MGA: variants seen among roughly 807,000 people sequenced by gnomAD.
MGA encodes the protein MAX dimerization protein MGA.
A neutral mutation model predicts 261.1 loss-of-function variants in MGA; 40 were observed. The observed-to-expected ratio is 0.15, with a 90% CI of 0.12 to 0.20. The LOEUF (loss-of-function observed/expected upper bound fraction) is 0.20, where lower values mean the gene tolerates loss of function less well. Among genes scored for constraint, MGA ranks in the 10% least tolerant of loss-of-function variants. MGA has a pLI of 1.00. For missense variants in MGA, 3,397 were observed against 3,630.5 expected (o/e 0.94, Z 1.65); for synonymous variants, 1,302 against 1,290.6 (o/e 1.01, Z -0.19).
chr15:41,700,077 C>T (rs999835522), intron 5 of MGA, among the ~76,000 whole-genome samples: 4 of 129,320 alleles, frequency 3.1e-5, no homozygotes, highest in Non-Finnish European at 3.1e-5. Flanking sequence ...TGCGCAGTCT[C>T]GCTCTCGCCC....
At position 41,748,693 on chromosome 15, in the gene MGA, C is replaced by G. The variant is rs753360563; in HGVS notation, c.5269C>G (p.Arg1757Gly). The stretch of plus-strand genomic sequence containing the variant: ...ACAGGTCTCTCCTAACACAGTGAAA[C>G]GTGCTGGACCTCGATTGTTGTTGAT... Residue 1757 changes from arginine (R) to glycine (G), a missense_variant, in exon 16 of 24, where the codon CGT (arginine) becomes GGT (glycine). Physicochemically the swap from Arg to Gly is moderately radical, Grantham distance 125. This residue lies in a region of MGA where 1,410 missense variants were observed against 1,386.4 expected (regional missense o/e 1.02). Coordinates refer to ENST00000219905, the MANE Select transcript of MGA (RefSeq NM_001164273.2). The G allele has an allele frequency of 6.2e-7, 1 of 1,613,952 alleles. No individual in the cohort carries two copies. The highest frequency in any genetic ancestry group is 8.5e-7 in the Non-Finnish European group (1 of 1,179,894).
chr15:41,754,026 C>G (rs1020547469), intron 17 of MGA, among the ~76,000 whole-genome samples: 6 of 152,132 alleles, frequency 3.9e-5, no homozygotes, highest in Non-Finnish European at 8.8e-5. Flanking sequence ...TCAAGCAATC[C>G]TCCCACCTCA....
rs1387066413 is a variant in MGA, at chr15:41,750,604, G to A, written c.6997G>A (p.Asp2333Asn). 1 of 1,605,432 alleles carries A rather than the reference G, an allele frequency of 6.2e-7. No individual in the cohort carries two copies. Among genetic ancestry groups the A allele is most frequent in the South Asian group, 1.1e-5 (1 of 89,622 alleles). ...TGACTACCAGAGTGAGGAGGTTGATGATGTAGAAAAGGTGGTGAGCCCATT... is the reference window on the plus strand; with the variant it reads ...TGACTACCAGAGTGAGGAGGTTGATAATGTAGAAAAGGTGGTGAGCCCATT... Residue 2333 changes from aspartate (D) to asparagine (N), a missense_variant, in exon 17 of 24, where the codon GAT (aspartate) becomes AAT (asparagine). Physicochemically the swap from Asp to Asn is conservative, Grantham distance 23. This residue lies in a region of MGA where 1,410 missense variants were observed against 1,386.4 expected (regional missense o/e 1.02). Transcript: ENST00000219905.
chr15:41,767,327 C>G lies in MGA; in HGVS notation c.*47C>G, dbSNP rs761231044. 29 of 1,530,380 alleles carry G rather than the reference C, an allele frequency of 1.9e-5. No homozygotes were observed. The highest frequency in any genetic ancestry group is 2.4e-5 in the Non-Finnish European group (27 of 1,132,666). The allele number at this position is 1,530,380 out of a possible 1,614,324, so 94.8% of individuals were successfully genotyped here. A position where few individuals can be genotyped will look rare whatever the true frequency, so the allele number is the denominator to read the frequency against. On this transcript the variant is annotated 3_prime_UTR_variant, in exon 24 of 24. Transcript: ENST00000219905. Reference sequence around the variant, plus strand: ...AGCCAGGCTGTGAGGGGAAATAGATCTCACCTCCTTTCTCTGCAGGCATCT... The same window carrying G: ...AGCCAGGCTGTGAGGGGAAATAGATGTCACCTCCTTTCTCTGCAGGCATCT...
At chr15:41,699,010 C>G (rs1162333179) in intron 4 of MGA, 54 bp from the exon 5 acceptor site, 2 of 1,555,270 alleles carry the variant, frequency 1.3e-6, no homozygotes, top group Non-Finnish European at 1.8e-6. Flanking sequence ...ATGCAACATT[C>G]ATTTGTCTGT....
At chr15:41,622,788 G>T (rs772561629) in intron 1 of MGA, among the ~76,000 whole-genome samples, 1 of 152,132 alleles carries the variant, frequency 6.6e-6, no homozygotes, top group African/African-American at 2.4e-5. Context: ...TCTCCTCCCA[G>T]TTCTAGCTCG....
intron 1 of MGA, among the ~76,000 whole-genome samples, chr15:41,654,351 G>T (rs2057124449): frequency 6.6e-6 from 1 of 151,956 alleles, no homozygotes; most frequent in South Asian, 2.1e-4. Flanking sequence ...TCTTTCTAGT[G>T]GTTTTTAATC....
At chr15:41,752,967 T>C (rs1004216246) in intron 17 of MGA, among the ~76,000 whole-genome samples, 3 of 152,182 alleles carry the variant, frequency 2.0e-5, no homozygotes, top group African/African-American at 7.2e-5. Flanking sequence ...TTAAGTGATC[T>C]CTAAAATCTA....
At chr15:41,697,136 G>C in intron 3 of MGA, 113 bp downstream of exon 3, 1 of 910,846 alleles carries the variant, frequency 1.1e-6, no homozygotes, top group South Asian at 2.1e-5. Flanking sequence ...ATTTGTGAGG[G>C]TGTATGGGGG....
intron 1 of MGA, among the ~76,000 whole-genome samples, chr15:41,646,015 A>C (rs1378372337): frequency 6.6e-6 from 1 of 152,206 alleles, no homozygotes; most frequent in Non-Finnish European, 1.5e-5. Context: ...TCAATTAAAT[A>C]GTGGGTGTGG....
At chr15:41,689,411 TCTC>T (rs1174174036) in intron 2 of MGA, among the ~76,000 whole-genome samples, 1 of 150,600 alleles carries the variant, frequency 6.6e-6, no homozygotes, top group African/African-American at 2.5e-5. Flanking sequence ...TCCCTCTCTT[TCTC>T]CTCTTTCCCT....
chr15:41,766,366 G>A lies in MGA; in HGVS notation c.8284G>A (p.Glu2762Lys). 1.2e-6 allele frequency: 2 copies of A among 1,613,906 alleles called. No homozygotes were observed. The highest frequency in any genetic ancestry group is 1.7e-6 in the Non-Finnish European group (2 of 1,179,848). The stretch of plus-strand genomic sequence containing the variant: ...GATTCAGTATAAATGGAAAGAGAGT[G>A]AATCAAGAGGGGAGAGAGTGAAGTC... The change falls in exon 24 of 24, where the codon GAA becomes AAA. Residue 2762 changes from glutamate (E) to lysine (K), a missense_variant. This residue lies in a region of MGA where 647 missense variants were observed against 642.4 expected (regional missense o/e 1.01). Coordinates refer to ENST00000219905, the MANE Select transcript of MGA (RefSeq NM_001164273.2).
intron 1 of MGA, among the ~76,000 whole-genome samples, chr15:41,653,205 A>G (rs1300696278): frequency 6.6e-6 from 1 of 151,964 alleles, no homozygotes; most frequent in Non-Finnish European, 1.5e-5. Context: ...CATCTCTACT[A>G]AATATACAAA....
Position 41,748,844 on chromosome 15 carries a change from A to G in MGA, c.5420A>G (p.Gln1807Arg). Reference sequence around the variant, plus strand: ...AACTTATTCAGGCACCCTAATGGGCAGATTGTCCAGCTTCTACCTTTGCAT... The same window carrying G: ...AACTTATTCAGGCACCCTAATGGGCGGATTGTCCAGCTTCTACCTTTGCAT... The change falls in exon 16 of 24, where the codon CAG becomes CGG. Residue 1807 changes from glutamine (Q) to arginine (R), a missense_variant. Gln to Arg is a conservative substitution (Grantham distance 43, BLOSUM62 1). This residue lies in a region of MGA where 1,410 missense variants were observed against 1,386.4 expected (regional missense o/e 1.02). Transcript: ENST00000219905. 2 of 1,614,042 alleles carry G rather than the reference A, an allele frequency of 1.2e-6. No individual in the cohort carries two copies. Among genetic ancestry groups the G allele is most frequent in the Non-Finnish European group, 1.7e-6 (2 of 1,179,900 alleles).
At chr15:41,751,188 G>A (rs1033331384) in intron 17 of MGA, 3 of 152,084 alleles carry the variant, frequency 2.0e-5, no homozygotes, top group Non-Finnish European at 4.4e-5. Context: ...TTTGTAATAT[G>A]ACCTTTATGG....
At position 41,699,098 on chromosome 15, in the gene MGA, A is replaced by G. The variant is rs1432048340; in HGVS notation, c.2127A>G (p.Glu709=). The G allele has an allele frequency of 6.2e-7, 1 of 1,612,618 alleles. No homozygotes were observed. The highest frequency in any genetic ancestry group is 1.3e-5 in the African/African-American group (1 of 74,930). The change falls in exon 5 of 24, where the codon GAA becomes GAG. Residue 709 remains glutamate, a synonymous_variant. Coordinates refer to ENST00000219905, the MANE Select transcript of MGA (RefSeq NM_001164273.2). Reference sequence around the variant, plus strand: ...CAAGAATTTCCCAGTTGGAAAAGGAATTGATAGAAGATTTGAAGACTTTGC... The same window carrying G: ...CAAGAATTTCCCAGTTGGAAAAGGAGTTGATAGAAGATTTGAAGACTTTGC...
chr15:41,622,901 A>C (rs2056341964), intron 1 of MGA, among the ~76,000 whole-genome samples: 1 of 152,214 alleles, frequency 6.6e-6, no homozygotes, highest in African/African-American at 2.4e-5. Flanking sequence ...ATTTATCTTA[A>C]AAAGAGTCTT....
Position 41,664,345 on chromosome 15 carries a change from C to T in MGA, c.-68+3820C>T, listed in dbSNP as rs182738704. Among the ~76,000 whole-genome samples, 3 of 152,256 alleles carry T rather than the reference C, an allele frequency of 2.0e-5. No individual in the cohort carries two copies. The East Asian group carries it at 5.8e-4, about 29-fold the overall frequency. ...ACTTCAAGTGCAGTCTGATTTTCAC[C>T]AAACTGGGTTTTTGTCAACTGCATC... is the stretch of plus-strand genomic sequence containing the variant. On this transcript the variant is annotated intron_variant, in intron 1 of 23. Coordinates refer to ENST00000219905, the MANE Select transcript of MGA (RefSeq NM_001164273.2).
chr15:41,706,938 C>G (rs1377819663), intron 5 of MGA, among the ~76,000 whole-genome samples: 1 of 152,104 alleles, frequency 6.6e-6, no homozygotes, highest in Non-Finnish European at 1.5e-5. Context: ...AGTTAAATAC[C>G]TTCCCAAAAT....
Sources: gnomAD v4.1 joint callset for allele counts (sites outside exome capture counted in the v4.1 genomes callset) on GRCh38, gnomAD v4.1.1 for gene constraint, gnomAD v4.1.1 regional missense constraint, MANE v1.5 for transcripts, NCBI Gene and HGNC (gene_info 2026-07-23, HGNC 2026-07-21) for gene names.